CDH12: variants seen among roughly 807,000 people sequenced by gnomAD.
CDH12 encodes cadherin-12.
In CDH12, 41 loss-of-function variants were observed where a neutral mutation model predicts 74.1. The observed-to-expected ratio is 0.55, with a 90% CI of 0.43 to 0.72. The LOEUF (loss-of-function observed/expected upper bound fraction) is 0.72. CDH12 is among the 30% of genes least tolerant of loss of function. The pLI is 0.00. For missense variants in CDH12, 945 were observed against 977.2 expected, an observed-to-expected ratio of 0.97 and a Z score of 0.44; for synonymous variants, 399 against 355.0, an observed-to-expected ratio of 1.12 and a Z score of -1.39.
intron 3 of CDH12, among the ~76,000 whole-genome samples, chr5:22,293,639 T>C (rs1384519178): frequency 4.0e-5 from 6 of 151,382 alleles, no homozygotes; most frequent in Non-Finnish European, 4.4e-5. Context: ...CACACACACA[T>C]ACAACAAAAT....
chr5:22,117,466 A>G (rs1219142601), intron 4 of CDH12, among the ~76,000 whole-genome samples: 19 of 65,640 alleles, frequency 2.9e-4, no homozygotes, highest in African/African-American at 9.4e-4. Flanking sequence ...TATTATATAT[A>G]TAATATATAT....
intron 3 of CDH12, among the ~76,000 whole-genome samples, chr5:22,379,453 A>C (rs2126376382): frequency 6.6e-6 from 1 of 152,294 alleles, no homozygotes; most frequent in South Asian, 2.1e-4. Context: ...CGTATTGGAC[A>C]AGAAATAAGC....
intron 4 of CDH12, among the ~76,000 whole-genome samples, chr5:22,196,158 T>C (rs1306878510): frequency 6.6e-6 from 1 of 151,424 alleles, no homozygotes; most frequent in Non-Finnish European, 1.5e-5. Flanking sequence ...TTTTTTTTTT[T>C]TTTTTTTGAC....
chr5:22,027,256 GAT>G (rs1474277871), intron 5 of CDH12, among the ~76,000 whole-genome samples: 1 of 152,114 alleles, frequency 6.6e-6, no homozygotes, highest in African/African-American at 2.4e-5. Context: ...GTTCATCAAG[GAT>G]ATTGGTCTAA....
rs3933490 is a variant in CDH12, at chr5:21,974,953, A to T, written c.526+138T>A. On this transcript the variant is annotated intron_variant, in intron 6 of 14. Transcript: ENST00000382254. ...AAAGAAAAACAAAAAAGTTACAAAA[A>T]TAAATGAAAAGAACTGTATTTTCTA... 0.011 allele frequency: 7,119 copies of T among 659,002 alleles called. 330 individuals are homozygous for T. The African/African-American group carries it at 0.11, about 10-fold the overall frequency. The allele number at this position is 659,002 out of a possible 1,614,324, so 40.8% of individuals were successfully genotyped here. A position where few individuals can be genotyped will look rare whatever the true frequency, so the allele number is the denominator to read the frequency against.
At chr5:22,489,756 C>T (rs946671983) in intron 2 of CDH12, among the ~76,000 whole-genome samples, 6 of 142,118 alleles carry the variant, frequency 4.2e-5, no homozygotes, top group African/African-American at 7.9e-5. Context: ...AGCACAAATA[C>T]GGTTCATTGC....
intron 5 of CDH12, among the ~76,000 whole-genome samples, chr5:22,001,653 C>A (rs1736608832): frequency 6.6e-6 from 1 of 151,954 alleles, no homozygotes; most frequent in South Asian, 2.1e-4. Context: ...CCTCTGCCCT[C>A]GAGTAGGCCC....
chr5:22,563,735 G>T (rs1184018256), intron 1 of CDH12, among the ~76,000 whole-genome samples: 3 of 152,042 alleles, frequency 2.0e-5, no homozygotes, highest in Non-Finnish European at 4.4e-5. Context: ...GAGGTTCATT[G>T]GACTCATGGT....
chr5:22,044,074 A>G (rs1739760070), intron 5 of CDH12, among the ~76,000 whole-genome samples: 1 of 152,134 alleles, frequency 6.6e-6, no homozygotes, highest in Non-Finnish European at 1.5e-5. Context: ...CTTCAAAGAC[A>G]TAGAAAAAAA....
intron 3 of CDH12, among the ~76,000 whole-genome samples, chr5:22,255,784 T>C (rs927732008): frequency 6.6e-6 from 1 of 151,762 alleles, no homozygotes; most frequent in Non-Finnish European, 1.5e-5. Flanking sequence ...TAAAATTAAG[T>C]TTTTTAAAAA....
rs527715878 is a variant in CDH12 at position 22,828,172 on chromosome 5, A to C, written c.-523+24886T>G. On this transcript the variant is annotated intron_variant, in intron 1 of 14. Transcript: ENST00000382254. ...ATAACAATTACATGGCAGCAGGTGG[A>C]AATAAGTGCAAACCCTTACCCTAAA... is the stretch of plus-strand genomic sequence containing the variant. Among the ~76,000 whole-genome samples the C allele has an allele frequency of 2.0e-5, 3 of 152,280 alleles. No homozygotes were observed. In the East Asian group the frequency reaches 5.8e-4, roughly 29 times the overall value.
In CDH12 at chr5:22,339,123, G is replaced by A. The variant is rs1025237722; in HGVS notation, c.-333+66134C>T. 5.9e-5 allele frequency among the ~76,000 whole-genome samples: 9 copies of A among 152,084 alleles called. No individual in the cohort carries two copies. In the East Asian group the frequency reaches 7.7e-4, roughly 13 times the overall value. ...CCAGACTCCTAACCCATTGAAAATG[G>A]GACATGACAAATGTTTGTTTTTTTA... On this transcript the variant is annotated intron_variant, in intron 3 of 14. Coordinates refer to ENST00000382254, the MANE Select transcript of CDH12 (RefSeq NM_004061.5).
chr5:22,804,493 G>T (rs1039627315), intron 1 of CDH12, among the ~76,000 whole-genome samples: 39 of 152,286 alleles, frequency 2.6e-4, no homozygotes, highest in African/African-American at 9.1e-4. Context: ...AACCAAGAAA[G>T]GAGGTGACGC....
At chr5:22,543,942 A>G (rs1015337562) in intron 1 of CDH12, among the ~76,000 whole-genome samples, 9 of 151,864 alleles carry the variant, frequency 5.9e-5, no homozygotes, top group Non-Finnish European at 1.2e-4. Context: ...TGTGCCTAAC[A>G]GTGCCGTGGA....
chr5:22,288,377 C>T (rs1162404326), intron 3 of CDH12, among the ~76,000 whole-genome samples: 1 of 152,134 alleles, frequency 6.6e-6, no homozygotes, highest in East Asian at 1.9e-4. Context: ...TATCTATATA[C>T]ATGCGTATAC....
At chr5:22,068,628 G>A (rs929093084) in intron 5 of CDH12, among the ~76,000 whole-genome samples, 5 of 152,188 alleles carry the variant, frequency 3.3e-5, no homozygotes, top group East Asian at 1.9e-4. Context: ...GAGTTCTGGG[G>A]AAGAGATAAG....
chr5:21,994,929 C>G (rs1428329865), intron 5 of CDH12, among the ~76,000 whole-genome samples: 2 of 152,084 alleles, frequency 1.3e-5, no homozygotes, highest in East Asian at 1.9e-4. Flanking sequence ...GAGCCAGCAA[C>G]GGCAACGGAG....
At chr5:21,819,652 C>T (rs1748255675) in intron 8 of CDH12, among the ~76,000 whole-genome samples, 3 of 151,864 alleles carry the variant, frequency 2.0e-5, no homozygotes, top group Admixed American at 2.0e-4. Context: ...ACTAGAAATC[C>T]TTCTTGATTA....
intron 1 of CDH12, among the ~76,000 whole-genome samples, chr5:22,802,645 T>C (rs1748593630): frequency 6.6e-6 from 1 of 152,034 alleles, no homozygotes; most frequent in African/African-American, 2.4e-5. Context: ...TCAGAGTGTC[T>C]TTTTTAATGC....
Sources: allele counts gnomAD v4.1 joint callset (sites outside exome capture counted in the v4.1 genomes callset), GRCh38; gene constraint gnomAD v4.1.1; transcripts MANE v1.5; gene names NCBI Gene and HGNC (gene_info 2026-07-23, HGNC 2026-07-21).